SCAPER: variants seen among roughly 807,000 people sequenced by gnomAD.
SCAPER encodes the protein S phase cyclin A-associated protein in the endoplasmic reticulum.
A neutral mutation model predicts 182.2 loss-of-function variants in SCAPER; 98 were observed. That is an observed-to-expected ratio of 0.54 (90% CI 0.46 to 0.64). The LOEUF is 0.64. Among genes scored for constraint, SCAPER ranks in the 30% least tolerant of loss-of-function variants. SCAPER has a pLI of 0.00. For missense variants in SCAPER, 1,432 were observed against 1,690.0 expected, an observed-to-expected ratio of 0.85 and a Z score of 2.68; for synonymous variants, 605 against 564.6, an observed-to-expected ratio of 1.07 and a Z score of -1.01.
chr15:76,548,822 G>T (rs1427431849), intron 23 of SCAPER, among the ~76,000 whole-genome samples: 2 of 152,138 alleles, frequency 1.3e-5, no homozygotes, highest in Non-Finnish European at 2.9e-5. Flanking sequence ...CTAAATGTTA[G>T]ACCTAAAACC....
chr15:76,643,368 G>A (rs141393483), intron 21 of SCAPER, among the ~76,000 whole-genome samples: 181 of 152,302 alleles, frequency 1.2e-3, no homozygotes, highest in African/African-American at 4.0e-3. Flanking sequence ...CTTCATGTGA[G>A]GAAGTGTGGG....
intron 2 of SCAPER, among the ~76,000 whole-genome samples, chr15:76,865,426 G>A (rs2072204946): frequency 6.6e-6 from 1 of 152,084 alleles, no homozygotes; most frequent in Admixed American, 6.5e-5. Flanking sequence ...GTATAGTAGG[G>A]TCAAAATCCT....
intron 26 of SCAPER, among the ~76,000 whole-genome samples, chr15:76,417,902 C>A (rs998016162): frequency 2.0e-5 from 3 of 152,086 alleles, no homozygotes; most frequent in Admixed American, 1.3e-4. Context: ...CCTATAGTCC[C>A]AGCTACTTGG....
At chr15:76,540,449 AGATCTTCATGTGTT>A (rs2044629300) in intron 23 of SCAPER, among the ~76,000 whole-genome samples, 1 of 152,196 alleles carries the variant, frequency 6.6e-6, no homozygotes, top group African/African-American at 2.4e-5. Flanking sequence ...AGGATTAGGT[AGATCTTCATGTGTT>A]GACATGAGAT....
intron 23 of SCAPER, among the ~76,000 whole-genome samples, chr15:76,520,045 T>C (rs926526293): frequency 2.6e-5 from 4 of 152,304 alleles, no homozygotes; most frequent in African/African-American, 9.6e-5. Context: ...AGAATCTAAC[T>C]ACTCACTCAT....
At chr15:76,735,100 C>A (rs556137750) in intron 15 of SCAPER, among the ~76,000 whole-genome samples, 3 of 151,998 alleles carry the variant, frequency 2.0e-5, no homozygotes, top group East Asian at 1.9e-4. Flanking sequence ...AATCCCAGCA[C>A]GTTAGGAGGG....
At chr15:76,663,017 A>G (rs1240208492) in intron 21 of SCAPER, among the ~76,000 whole-genome samples, 1 of 152,140 alleles carries the variant, frequency 6.6e-6, no homozygotes, top group African/African-American at 2.4e-5. Context: ...AAGAAAATGT[A>G]TATGTAAGCT....
At chr15:76,556,331 A>G (rs1335302070) in intron 23 of SCAPER, among the ~76,000 whole-genome samples, 1 of 152,190 alleles carries the variant, frequency 6.6e-6, no homozygotes, top group East Asian at 1.9e-4. Flanking sequence ...TAGAAAAACA[A>G]GAGCAAATCA....
chr15:76,587,911 ATTTC>A (rs1288854467), intron 22 of SCAPER, among the ~76,000 whole-genome samples: 2 of 147,520 alleles, frequency 1.4e-5, no homozygotes, highest in African/African-American at 2.5e-5. Context: ...TGTCTTTCTC[ATTTC>A]TTTTTCTTTT....
chr15:76,752,706 A>T (rs771775685), intron 15 of SCAPER, among the ~76,000 whole-genome samples: 3 of 151,724 alleles, frequency 2.0e-5, no homozygotes, highest in Non-Finnish European at 4.4e-5. Flanking sequence ...TAGAATGATG[A>T]TTGCCAGGGG....
At chr15:76,856,966 A>C (rs1410340782) in intron 4 of SCAPER, among the ~76,000 whole-genome samples, 1 of 152,232 alleles carries the variant, frequency 6.6e-6, no homozygotes, top group Non-Finnish European at 1.5e-5. Flanking sequence ...TTCAAAAGAT[A>C]AAGTAGGCTT....
chr15:76,727,870 A>G (rs1486282179), intron 17 of SCAPER, among the ~76,000 whole-genome samples: 1 of 152,034 alleles, frequency 6.6e-6, no homozygotes, highest in Non-Finnish European at 1.5e-5. Flanking sequence ...AAAAGACCCC[A>G]ATACAGGAAT....
intron 4 of SCAPER, among the ~76,000 whole-genome samples, chr15:76,851,382 T>TAATCATCAGA (rs1325345656): frequency 6.6e-6 from 1 of 152,130 alleles, no homozygotes; most frequent in East Asian, 1.9e-4. Flanking sequence ...CCAAGACATG[T>TAATCATCAGA]AATCATCAGA....
intron 24 of SCAPER, among the ~76,000 whole-genome samples, chr15:76,474,680 G>A (rs117422611): frequency 0.014 from 2,162 of 152,174 alleles, 23 homozygotes; most frequent in Non-Finnish European, 0.023. Context: ...TTAATAAATG[G>A]TAGCCCTTAT....
intron 25 of SCAPER, 31 bp downstream of exon 25, chr15:76,471,181 G>C: frequency 6.5e-7 from 1 of 1,542,382 alleles, no homozygotes; most frequent in Non-Finnish European, 8.7e-7. Context: ...AACCTTAACT[G>C]CTTCTAACTC....
At chr15:76,656,186 G>A (rs1307645421) in intron 21 of SCAPER, among the ~76,000 whole-genome samples, 1 of 152,120 alleles carries the variant, frequency 6.6e-6, no homozygotes, top group Non-Finnish European at 1.5e-5. Context: ...GATAGCCACA[G>A]GTTCAAAGTA....
At chr15:76,719,598 T>C (rs958700314) in intron 17 of SCAPER, among the ~76,000 whole-genome samples, 1 of 152,192 alleles carries the variant, frequency 6.6e-6, no homozygotes, top group African/African-American at 2.4e-5. Context: ...ATAGATATGT[T>C]AGTTCGCTTC....
At chr15:76,826,307 C>A (rs1176821708) in intron 5 of SCAPER, among the ~76,000 whole-genome samples, 1 of 149,550 alleles carries the variant, frequency 6.7e-6, no homozygotes, top group Non-Finnish European at 1.5e-5. Flanking sequence ...TAAACTATCG[C>A]AAGAACAAAA....
At chr15:76,832,656 G>A (rs2068588066) in intron 5 of SCAPER, among the ~76,000 whole-genome samples, 1 of 152,170 alleles carries the variant, frequency 6.6e-6, no homozygotes, top group South Asian at 2.1e-4. Context: ...AATCATGAGG[G>A]TGAATCCTTT....
Sources: allele counts gnomAD v4.1 joint callset (sites outside exome capture counted in the v4.1 genomes callset), GRCh38; gene constraint gnomAD v4.1.1; transcripts MANE v1.5; gene names NCBI Gene and HGNC (gene_info 2026-07-23, HGNC 2026-07-21).